The following AGMO variants were observed in gnomAD, a reference collection of about 807,000 sequenced individuals.
AGMO encodes the protein alkylglycerol monooxygenase, also known as glyceryl-ether monooxygenase.
AGMO carries 75 observed loss-of-function variants against 60.2 expected under a neutral mutation model. The ratio of observed to expected loss-of-function variants is 1.25; its 90% CI spans 1.03 to 1.51. The LOEUF (loss-of-function observed/expected upper bound fraction) is 1.51, where lower values mean the gene tolerates loss of function less well. AGMO is among the 40% of genes most tolerant of loss of function. The pLI is 0.00. For synonymous variants in AGMO, 261 were observed against 177.1 expected (o/e 1.47, Z -3.76); for missense variants, 763 against 525.5 (o/e 1.45, Z -4.42).
At chr7:15,404,785 T>G (rs1784642612) in intron 5 of AGMO, among the ~76,000 whole-genome samples, 1 of 151,874 alleles carries the variant, frequency 6.6e-6, no homozygotes. Context: ...TGACTTCTAC[T>G]GCTTAGTCAA....
At position 15,560,271 on chromosome 7, in the gene AGMO, C is replaced by A. The variant is rs748745350; in HGVS notation, c.127G>T (p.Ala43Ser). ...LEEVPDYVKK[A>S]TPFFISLMLL... The stretch of plus-strand genomic sequence containing the variant: ...ATCAAAGAAATGAAAAATGGAGTTG[C>A]CTGGAAAGGAAGTTGCAGAAAAGAG... Residue 43 changes from alanine (A) to serine (S), a missense_variant and splice_region_variant, in exon 2 of 13, where the codon GCA becomes TCA. Ala to Ser is a moderately conservative substitution (Grantham distance 99). Transcript: ENST00000342526. 2 of 1,610,278 alleles carry A rather than the reference C, an allele frequency of 1.2e-6. No homozygotes were observed. Among genetic ancestry groups the A allele is most frequent in the East Asian group, 2.2e-5 (1 of 44,730 alleles).
rs143719069 is a variant in AGMO, at chr7:15,377,827, C to T, written c.1074+7619G>A. Among the ~76,000 whole-genome samples, 52 of 151,924 alleles carry T rather than the reference C, an allele frequency of 3.4e-4. 2 individuals are homozygous for T. The highest frequency in any genetic ancestry group is 1.1e-3 in the African/African-American group (46 of 41,416). ...GTAGTTAAGTGAGGGGTTATGAGAC[C>T]TTACTTAAACAAATATGAAGTCTAA... On this transcript the variant is annotated intron_variant, in intron 10 of 12. Transcript: ENST00000342526.
intron 3 of AGMO, among the ~76,000 whole-genome samples, chr7:15,507,236 C>T (rs549096266): frequency 6.6e-6 from 1 of 151,920 alleles, no homozygotes; most frequent in Non-Finnish European, 1.5e-5. Flanking sequence ...AAAGAACAAG[C>T]TTCAGAAAGC....
At position 15,209,392 on chromosome 7, in the gene AGMO, GGT is replaced by G. The variant is rs996025977; in HGVS notation, c.1264-8035_1264-8034del. Among the ~76,000 whole-genome samples, 107 of 35,370 alleles carry G rather than the reference GGT, an allele frequency of 3.0e-3. 1 individual carries two copies. The highest frequency in any genetic ancestry group is 0.029 in the African/African-American group (101 of 3,540). 23.2% of individuals were successfully genotyped at this position (35,370 alleles called of 152,430 possible). A position where few individuals can be genotyped will look rare whatever the true frequency, so the allele number is the denominator to read the frequency against. ...AACAAAAAAAAGTCTCAAAAAATGA[GGT>G]TTTTTTTTAGGGAAAAAATGCCATG... On this transcript the variant is annotated intron_variant, in intron 12 of 12. Coordinates refer to ENST00000342526, the MANE Select transcript of AGMO (RefSeq NM_001004320.2).
At chr7:15,248,177 ACCAT>A in intron 12 of AGMO, among the ~76,000 whole-genome samples, 1 of 27,834 alleles carries the variant, frequency 3.6e-5, no homozygotes. Context: ...GTGATCCAGC[ACCAT>A]ATATATATAT....
intron 12 of AGMO, among the ~76,000 whole-genome samples, chr7:15,201,946 A>G (rs1781299953): frequency 6.6e-6 from 1 of 152,110 alleles, no homozygotes; most frequent in African/African-American, 2.4e-5. Flanking sequence ...TGAAAATTTC[A>G]TTGAGTTTGT....
chr7:15,459,596 C>T (rs4639401), intron 3 of AGMO, among the ~76,000 whole-genome samples: 118,314 of 145,732 alleles, frequency 0.81, 47,986 homozygotes, highest in African/African-American at 0.87. Flanking sequence ...TGTGTATGTG[C>T]GTTTGTGTGT....
chr7:15,482,853 T>C (rs1782797292), intron 3 of AGMO, among the ~76,000 whole-genome samples: 1 of 152,210 alleles, frequency 6.6e-6, no homozygotes. Flanking sequence ...GTTCAATTAA[T>C]CATATTTTTC....
At chr7:15,353,011 C>T (rs1263761809) in intron 12 of AGMO, among the ~76,000 whole-genome samples, 5 of 151,928 alleles carry the variant, frequency 3.3e-5, no homozygotes, top group Non-Finnish European at 4.4e-5. Flanking sequence ...CATAGCACTG[C>T]GCACGGCACA....
chr7:15,546,672 G>A (rs942200103), intron 2 of AGMO, among the ~76,000 whole-genome samples: 26 of 152,248 alleles, frequency 1.7e-4, no homozygotes, highest in Non-Finnish European at 3.7e-4. Flanking sequence ...GACAAGCCAT[G>A]AGGCCAAGGG....
the AGMO span, among the ~76,000 whole-genome samples, chr7:15,139,147 T>C: frequency 6.6e-6 from 1 of 151,982 alleles, no homozygotes; most frequent in African/African-American, 2.4e-5. Context: ...ACATAAAATA[T>C]GTAACTCCAG....
intron 3 of AGMO, among the ~76,000 whole-genome samples, chr7:15,433,852 G>C (rs1372219030): frequency 2.6e-5 from 4 of 151,924 alleles, no homozygotes; most frequent in African/African-American, 9.6e-5. Flanking sequence ...ATGTAATTCT[G>C]TATATTTTAT....
At chr7:15,281,035 A>C (rs1461052572) in intron 12 of AGMO, among the ~76,000 whole-genome samples, 2 of 152,148 alleles carry the variant, frequency 1.3e-5, no homozygotes, top group Non-Finnish European at 2.9e-5. Context: ...AGCAGCATTT[A>C]CAGTAGTCTG....
intron 12 of AGMO, among the ~76,000 whole-genome samples, chr7:15,304,220 C>A (rs1044298276): frequency 1.3e-5 from 2 of 152,094 alleles, no homozygotes; most frequent in Non-Finnish European, 2.9e-5. Context: ...ATGTCTTGAC[C>A]TACATAAACT....
intron 12 of AGMO, among the ~76,000 whole-genome samples, chr7:15,338,628 TA>T (rs1563095290): frequency 2.0e-5 from 3 of 152,034 alleles, no homozygotes; most frequent in African/African-American, 7.2e-5. Flanking sequence ...TAATAAAATA[TA>T]TATAATATTT....
intron 12 of AGMO, among the ~76,000 whole-genome samples, chr7:15,341,968 G>C (rs117762636): frequency 0.025 from 3,814 of 151,908 alleles, 58 homozygotes; most frequent in Middle Eastern, 0.038. Context: ...ATGGCACGTA[G>C]GGATAATGGG....
chr7:15,127,826 T>C, the AGMO span, among the ~76,000 whole-genome samples: 1 of 152,120 alleles, frequency 6.6e-6, no homozygotes, highest in African/African-American at 2.4e-5. Flanking sequence ...TTCTAATTAT[T>C]TTTTGAGTTT....
At chr7:15,543,396 A>G (rs1366829827) in intron 3 of AGMO, among the ~76,000 whole-genome samples, 2 of 152,156 alleles carry the variant, frequency 1.3e-5, no homozygotes, top group East Asian at 3.9e-4. Flanking sequence ...AAGTGCAGCC[A>G]AGAATCCCAA....
the AGMO span, among the ~76,000 whole-genome samples, chr7:15,162,070 T>C: frequency 6.6e-6 from 1 of 151,964 alleles, no homozygotes; most frequent in Middle Eastern, 3.2e-3. Flanking sequence ...AGTGAGTGAG[T>C]TACCTTGAGA....
Sources: gnomAD v4.1 joint callset for allele counts (sites outside exome capture counted in the v4.1 genomes callset) on GRCh38, gnomAD v4.1.1 for gene constraint, MANE v1.5 for transcripts, NCBI Gene and HGNC (gene_info 2026-07-23, HGNC 2026-07-21) for gene names.